RIPOR3: variants seen among roughly 807,000 people sequenced by gnomAD.
The protein encoded by RIPOR3 is family with sequence similarity 65 member C.
RIPOR3 carries 95 observed loss-of-function variants against 114.3 expected under a neutral mutation model. The observed-to-expected ratio is 0.83, with a 90% confidence interval of 0.70 to 0.99. The LOEUF is 0.99. Among genes scored for constraint, RIPOR3 ranks in the 50% least tolerant of loss-of-function variants. The pLI is 0.00. For missense variants in RIPOR3, 1,252 were observed against 1,266.9 expected, an observed-to-expected ratio of 0.99 and a Z score of 0.18; for synonymous variants, 575 against 543.8, an observed-to-expected ratio of 1.06 and a Z score of -0.80.
At chr20:50,644,239 C>T (rs6096041) in intron 1 of RIPOR3, among the ~76,000 whole-genome samples, 52,878 of 151,874 alleles carry the variant, frequency 0.35, 10,238 homozygotes, top group African/African-American at 0.52. Flanking sequence ...CCCAAAGCGC[C>T]GGGATTACAG....
chr20:50,604,578 C>G, intron 12 of RIPOR3, 67 bp downstream of exon 12: 1 of 1,519,120 alleles, frequency 6.6e-7, no homozygotes, highest in Non-Finnish European at 8.8e-7. Flanking sequence ...CTGCTCAGCC[C>G]AGCTCCTGCG....
intron 1 of RIPOR3, among the ~76,000 whole-genome samples, chr20:50,690,472 C>G (rs2087173245): frequency 6.6e-6 from 1 of 152,176 alleles, no homozygotes; most frequent in South Asian, 2.1e-4. Context: ...AGGCTGCTTG[C>G]CAGTGTCAGC....
intron 11 of RIPOR3, among the ~76,000 whole-genome samples, chr20:50,607,331 C>G (rs988274668): frequency 1.3e-5 from 2 of 152,170 alleles, no homozygotes; most frequent in Non-Finnish European, 2.9e-5. Flanking sequence ...ATGGGAGCAC[C>G]GAGGCAAGTG....
chr20:50,656,919 T>G (rs1243474293), intron 1 of RIPOR3, among the ~76,000 whole-genome samples: 1 of 152,242 alleles, frequency 6.6e-6, no homozygotes, highest in Non-Finnish European at 1.5e-5. Flanking sequence ...TAAAGATTGC[T>G]GTGATAAACA....
intron 1 of RIPOR3, among the ~76,000 whole-genome samples, chr20:50,646,989 A>G (rs1198008148): frequency 1.3e-5 from 2 of 152,172 alleles, no homozygotes; most frequent in African/African-American, 4.8e-5. Flanking sequence ...GGTAGTTCCC[A>G]TAAGAAAAAG....
rs200330422 is a variant in RIPOR3 at position 50,597,721 on chromosome 20, A to G, written c.1660-11T>C. 1.9e-4 allele frequency: 300 copies of G among 1,611,750 alleles called. 3 individuals carry two copies. The East Asian group carries it at 6.5e-3, about 35-fold the overall frequency. On this transcript the variant is annotated splice_polypyrimidine_tract_variant and intron_variant, in intron 13 of 21. Coordinates refer to ENST00000327979, the MANE Select transcript of RIPOR3 (RefSeq NM_001290268.2). ...CCGTGCTCTGCAGGGCTGTGGACGA[A>G]GTGGCCAGACCTGAGGGCAACACCG...
At chr20:50,666,387 G>A (rs547676629) in intron 1 of RIPOR3, among the ~76,000 whole-genome samples, 1 of 150,146 alleles carries the variant, frequency 6.7e-6, no homozygotes, top group East Asian at 2.0e-4. Flanking sequence ...ACTACACCCA[G>A]CTAAATTTTG....
intron 1 of RIPOR3, among the ~76,000 whole-genome samples, chr20:50,651,050 C>A (rs562942093): frequency 1.3e-5 from 2 of 152,180 alleles, no homozygotes; most frequent in South Asian, 4.2e-4. Context: ...CAGCTCACTG[C>A]AACCTCTGCC....
intron 1 of RIPOR3, among the ~76,000 whole-genome samples, chr20:50,635,678 G>T (rs2084959597): frequency 6.6e-6 from 1 of 151,836 alleles, no homozygotes; most frequent in African/African-American, 2.4e-5. Flanking sequence ...AGGAAAGAAG[G>T]AAAGGAAAAA....
intron 4 of RIPOR3, 69 bp from the exon 5 acceptor site, chr20:50,611,273 C>A (rs1374477059): frequency 1.0e-5 from 16 of 1,606,134 alleles, no homozygotes; most frequent in Non-Finnish European, 1.4e-5. Flanking sequence ...GCCTATGAGG[C>A]TCTATGCTGG....
intron 2 of RIPOR3, among the ~76,000 whole-genome samples, chr20:50,625,021 G>A (rs2084565449): frequency 6.6e-6 from 1 of 152,124 alleles, no homozygotes; most frequent in Non-Finnish European, 1.5e-5. Context: ...GATGATGACA[G>A]GCATGCACTC....
intron 1 of RIPOR3, among the ~76,000 whole-genome samples, chr20:50,666,477 A>G (rs1197669878): frequency 6.6e-6 from 1 of 150,920 alleles, no homozygotes; most frequent in African/African-American, 2.4e-5. Context: ...ACCTGCCCCG[A>G]CCTCTGAAAG....
intron 17 of RIPOR3, among the ~76,000 whole-genome samples, chr20:50,594,275 CAAA>C (rs35958484): frequency 3.9e-5 from 3 of 77,614 alleles, no homozygotes; most frequent in East Asian, 5.1e-4. Context: ...GACTCCATCT[CAAA>C]AAAAAAAAAA....
chr20:50,611,753 T>A (rs1051754156), intron 4 of RIPOR3, among the ~76,000 whole-genome samples: 1 of 152,096 alleles, frequency 6.6e-6, no homozygotes, highest in Non-Finnish European at 1.5e-5. Flanking sequence ...CAAACCTTTC[T>A]ATAGGTTTGT....
intron 1 of RIPOR3, among the ~76,000 whole-genome samples, chr20:50,675,187 T>A (rs994231494): frequency 3.3e-5 from 5 of 152,146 alleles, no homozygotes; most frequent in African/African-American, 1.2e-4. Flanking sequence ...AAGAAAGGAT[T>A]CTTCCTTAGA....
intron 1 of RIPOR3, among the ~76,000 whole-genome samples, chr20:50,659,634 C>T (rs984670923): frequency 4.0e-5 from 5 of 125,208 alleles, no homozygotes; most frequent in East Asian, 4.5e-4. Context: ...GTGACAAGAG[C>T]GAAACTCCGT....
chr20:50,593,390 T>C (rs2083178067), intron 17 of RIPOR3, among the ~76,000 whole-genome samples, 194 bp from the exon 18 acceptor site: 1 of 152,082 alleles, frequency 6.6e-6, no homozygotes, highest in South Asian at 2.1e-4. Context: ...CTGACCAACA[T>C]GGTGAAACCC....
intron 2 of RIPOR3, among the ~76,000 whole-genome samples, 162 bp from the exon 3 acceptor site, chr20:50,620,294 T>C (rs2084350578): frequency 6.6e-6 from 1 of 152,056 alleles, no homozygotes. Context: ...TCCAGAAAGT[T>C]ATGGAGCCTC....
In RIPOR3 at chr20:50,589,709, A is replaced by C; in HGVS notation, c.2638T>G (p.Cys880Gly). ...ACCTTGAGGTGTTTGAGCGCTAGGC[A>C]TGCGGCCTGCTGGAGCCTTGCGTCG... is the stretch of plus-strand genomic sequence containing the variant. ...ENDARLQQAA[C>G]LALKHLKGIE... The change falls in exon 20 of 22, where the codon TGC becomes GGC. Residue 880 changes from cysteine (C) to glycine (G), a missense_variant. Physicochemically the swap from Cys to Gly is radical, Grantham distance 159. Coordinates refer to ENST00000327979, the MANE Select transcript of RIPOR3 (RefSeq NM_001290268.2). The C allele has an allele frequency of 6.2e-7, 1 of 1,613,926 alleles. No individual in the cohort carries two copies. Among genetic ancestry groups the C allele is most frequent in the Non-Finnish European group, 8.5e-7 (1 of 1,179,880 alleles).
Sources: allele counts gnomAD v4.1 joint callset (sites outside exome capture counted in the v4.1 genomes callset), GRCh38; gene constraint gnomAD v4.1.1; transcripts MANE v1.5; gene names NCBI Gene and HGNC (gene_info 2026-07-23, HGNC 2026-07-21).